Variants in PLCD1 observed in about 807,000 individuals in gnomAD.
PLCD1 encodes 1-phosphatidylinositol 4,5-bisphosphate phosphodiesterase delta-1.
PLCD1 carries 71 observed loss-of-function variants against 87.4 expected under a neutral mutation model. That is an observed-to-expected ratio of 0.81 (90% CI 0.67 to 0.99). The LOEUF is 0.99. PLCD1 is among the 50% of genes least tolerant of loss of function. The pLI is 0.00. For missense variants in PLCD1, 867 were observed against 1,001.5 expected, an observed-to-expected ratio of 0.87 and a Z score of 1.81; for synonymous variants, 348 against 399.2, an observed-to-expected ratio of 0.87 and a Z score of 1.53.
At chr3:38,021,504 C>G (rs1312254384) in intron 1 of PLCD1, among the ~76,000 whole-genome samples, 3 of 152,154 alleles carry the variant, frequency 2.0e-5, no homozygotes, top group East Asian at 1.9e-4. Context: ...GACGCCAGAG[C>G]CTTCACCACC....
At chr3:38,022,986 C>T (rs1700256725) in intron 1 of PLCD1, among the ~76,000 whole-genome samples, 1 of 151,786 alleles carries the variant, frequency 6.6e-6, no homozygotes, top group South Asian at 2.1e-4. Context: ...AGAGCTTCTC[C>T]TCCTGTGGGA....
Position 38,009,947 on chromosome 3 carries a change from T to C in PLCD1, c.1244A>G (p.Asn415Ser). The C allele has an allele frequency of 6.2e-7, 1 of 1,612,950 alleles. No homozygotes were observed. Among genetic ancestry groups the C allele is most frequent in the Non-Finnish European group, 8.5e-7 (1 of 1,179,396 alleles). ...GTTGGTGACCCCATCCAGTGGTCGG[T>C]TCAACAGCATGGGGCCCAGGATGGC... ...LHAILGPMLL[N>S]RPLDGVTNSL... The change falls in exon 8 of 15, where the codon AAC becomes AGC. Residue 415 changes from asparagine (N) to serine (S), a missense_variant. Asn to Ser is a conservative substitution (Grantham distance 46, BLOSUM62 1). Coordinates refer to ENST00000334661, the MANE Select transcript of PLCD1 (RefSeq NM_006225.4).
At position 38,011,217 on chromosome 3, in the gene PLCD1, T is replaced by A. The variant is rs1379978596; in HGVS notation, c.787A>T (p.Thr263Ser). The change falls in exon 5 of 15, where the codon ACT becomes TCT. Residue 263 changes from threonine (T) to serine (S), a missense_variant. Physicochemically the swap from Thr to Ser is moderately conservative, Grantham distance 58. Coordinates refer to ENST00000334661, the MANE Select transcript of PLCD1 (RefSeq NM_006225.4). ...CAGGCCCTGGTCAGGCTCTCACCAG[T>A]CTCGCTGGGCTCGTAGCGCTCAATG... Reference protein sequence around the residue: ...SLIERYEPSETAKAQRQMTKD... With the variant: ...SLIERYEPSESAKAQRQMTKD... The A allele has an allele frequency of 1.9e-6, 3 of 1,607,214 alleles. No individual in the cohort carries two copies. The Admixed American group carries it at 5.0e-5, about 27-fold the overall frequency.
intron 1 of PLCD1, among the ~76,000 whole-genome samples, chr3:38,028,326 T>C (rs1361440789): frequency 2.0e-5 from 3 of 152,112 alleles, no homozygotes; most frequent in Non-Finnish European, 4.4e-5. Context: ...GCCTAGGCTA[T>C]TGGTGTAAAA....
intron 1 of PLCD1, among the ~76,000 whole-genome samples, chr3:38,027,451 G>T (rs980868777): frequency 1.3e-5 from 2 of 152,240 alleles, no homozygotes; most frequent in Non-Finnish European, 2.9e-5. Context: ...GACACACAGG[G>T]AAGTCAAGGG....
In PLCD1 at chr3:38,009,811, G is replaced by T; in HGVS notation, c.1288C>A (p.Gln430Lys). Residue 430 changes from glutamine to lysine, a missense_variant and splice_region_variant, in exon 9 of 15, where the codon CAA (glutamine) becomes AAA (lysine). Gln to Lys is a moderately conservative substitution (Grantham distance 53). Transcript: ENST00000334661. The part of the protein sequence containing the change: ...GVTNSLPSPE[Q>K]LKGKILLKGK... ...TTCAGCAGGATCTTCCCCTTCAGTTGCTAGGTGGGGAGGGGCAACTGGTCA... is the reference window on the plus strand; with the variant it reads ...TTCAGCAGGATCTTCCCCTTCAGTTTCTAGGTGGGGAGGGGCAACTGGTCA... 1 of 1,613,860 alleles carries T rather than the reference G, an allele frequency of 6.2e-7. No individual in the cohort carries two copies. The highest frequency in any genetic ancestry group is 8.5e-7 in the Non-Finnish European group (1 of 1,180,006).
At position 38,007,871 on chromosome 3, in the gene PLCD1, C is replaced by T; in HGVS notation, c.2186-13G>A. ...ACATGGCGGTATCCTGGTGGGTGGA[C>T]AGGCAGGAGGGAACACAGAGAGAGT... On this transcript the variant is annotated splice_polypyrimidine_tract_variant and intron_variant, in intron 14 of 14. Coordinates refer to ENST00000334661, the MANE Select transcript of PLCD1 (RefSeq NM_006225.4). 1 of 1,613,274 alleles carries T rather than the reference C, an allele frequency of 6.2e-7. No individual in the cohort carries two copies. Among genetic ancestry groups the T allele is most frequent in the Middle Eastern group, 1.7e-4 (1 of 6,060 alleles).
chr3:38,019,060 G>A (rs1222481218), intron 2 of PLCD1: 2 of 152,404 alleles, frequency 1.3e-5, no homozygotes, highest in Non-Finnish European at 2.9e-5. Context: ...CTTCCTGGGT[G>A]AAAGGCACCC....
chr3:38,029,517 A>G lies in PLCD1; in HGVS notation c.23T>C (p.Leu8Pro). 1 of 1,539,310 alleles carries G rather than the reference A, an allele frequency of 6.5e-7. No individual in the cohort carries two copies. Among genetic ancestry groups the G allele is most frequent in the Admixed American group, 2.0e-5 (1 of 50,992 alleles). Residue 8 changes from leucine to proline, a missense_variant, in exon 1 of 15, where the codon CTG becomes CCG. Physicochemically the swap from Leu to Pro is moderately conservative, Grantham distance 98. Transcript: ENST00000334661. The stretch of plus-strand genomic sequence containing the variant: ...GGCCAGGCACTCACCGTGCAGGGTC[A>G]GGAAGTCCCGGCCCGAGTCCATGCC... MDSGRDF[L>P]TLHGLQDDED...
chr3:38,011,426 G>A lies in PLCD1; in HGVS notation c.578C>T (p.Thr193Ile), dbSNP rs370500334. 6.2e-6 allele frequency: 10 copies of A among 1,613,934 alleles called. No individual in the cohort carries two copies. Among genetic ancestry groups the A allele is most frequent in the Non-Finnish European group, 7.6e-6 (9 of 1,179,910 alleles). ...KIFRECDHSQ[T>I]DSLEDEEIEA... Reference sequence around the variant, plus strand: ...AATCTCCTCGTCCTCCAGGGAGTCTGTCTGGGAGTGGTCACACTCCTGCAG... The same window carrying A: ...AATCTCCTCGTCCTCCAGGGAGTCTATCTGGGAGTGGTCACACTCCTGCAG... The change falls in exon 5 of 15, where the codon ACA (threonine) becomes ATA (isoleucine). Residue 193 changes from threonine to isoleucine, a missense_variant. Transcript: ENST00000334661.
chr3:38,009,610 G>A (rs767914786), intron 9 of PLCD1, 43 bp downstream of exon 9: 6 of 1,611,958 alleles, frequency 3.7e-6, no homozygotes, highest in Non-Finnish European at 5.1e-6. Context: ...GTGAGGGGAT[G>A]GGGAAGGCCC....
chr3:38,021,190 T>C (rs1017287409), intron 1 of PLCD1, among the ~76,000 whole-genome samples: 24 of 152,170 alleles, frequency 1.6e-4, no homozygotes, highest in African/African-American at 5.6e-4. Context: ...ATCTCTGATC[T>C]TTGCCCCAAG....
intron 2 of PLCD1, 35 bp downstream of exon 2, chr3:38,020,153 C>T (rs956714054): frequency 1.3e-5 from 20 of 1,596,532 alleles, no homozygotes; most frequent in Non-Finnish European, 1.6e-5. Context: ...AGATTCCACA[C>T]TCTATCCCCT....
At chr3:38,029,389 G>T in intron 1 of PLCD1, 117 bp downstream of exon 1, 3 of 894,474 alleles carry the variant, frequency 3.4e-6, no homozygotes, top group Non-Finnish European at 5.3e-6. Flanking sequence ...AGAGAGGCGG[G>T]CCCGGGGTGG....
In PLCD1 at chr3:38,016,714, T is replaced by C; in HGVS notation, c.205A>G (p.Ile69Val). The change falls in exon 3 of 15, where the codon ATC becomes GTC. Residue 69 changes from isoleucine (I) to valine (V), a missense_variant. Coordinates refer to ENST00000334661, the MANE Select transcript of PLCD1 (RefSeq NM_006225.4). ...ATTCGCACCTCCTGAATGTCCTCGA[T>C]GGAGACTGCGAGAGGGGGATGGTGG... ...MRTPESQLFS[I>V]EDIQEVRMGH... is the part of the protein sequence containing the mutation. 6.4e-7 allele frequency: 1 copy of C among 1,553,160 alleles called. No individual in the cohort carries two copies.
In PLCD1 at chr3:38,011,426, G is replaced by C; in HGVS notation, c.578C>G (p.Thr193Arg). The change falls in exon 5 of 15, where the codon ACA (threonine) becomes AGA (arginine). Residue 193 changes from threonine to arginine, a missense_variant. Transcript: ENST00000334661. ...KIFRECDHSQTDSLEDEEIEA... is the reference protein window; with the variant it reads ...KIFRECDHSQRDSLEDEEIEA... ...AATCTCCTCGTCCTCCAGGGAGTCT[G>C]TCTGGGAGTGGTCACACTCCTGCAG... The C allele has an allele frequency of 6.2e-7, 1 of 1,614,052 alleles. No homozygotes were observed. Among genetic ancestry groups the C allele is most frequent in the Middle Eastern group, 1.7e-4 (1 of 6,020 alleles).
At chr3:38,009,003 C>CCCTCCTCCAGG (rs762751078) in intron 11 of PLCD1, 39 bp downstream of exon 11, 4 of 1,545,458 alleles carry the variant, frequency 2.6e-6, no homozygotes, top group Non-Finnish European at 3.6e-6. Context: ...GGGACTGAAA[C>CCCTCCTCCAGG]CCTCCTCCAG....
In PLCD1 at chr3:38,024,653, G is replaced by T. The variant is rs1700285604; in HGVS notation, c.35-4301C>A. The T allele has an allele frequency of 2.6e-6, 4 of 1,518,152 alleles. No individual in the cohort carries two copies. In the South Asian group the frequency reaches 3.6e-5, roughly 14 times the overall value. The allele number at this position is 1,518,152 out of a possible 1,614,324, so 94.0% of individuals were successfully genotyped here. ...ACGAGAGGGAAATCTGGGCTGAGGGGGTAGTCAGACGCTAGGAGGCGGAGC... is the reference window on the plus strand; with the variant it reads ...ACGAGAGGGAAATCTGGGCTGAGGGTGTAGTCAGACGCTAGGAGGCGGAGC... On this transcript the variant is annotated intron_variant, in intron 1 of 14. Coordinates refer to ENST00000334661, the MANE Select transcript of PLCD1 (RefSeq NM_006225.4).
chr3:38,011,491 C>A lies in PLCD1; in HGVS notation c.559-46G>T, dbSNP rs2364794. 63 of 1,613,848 alleles carry A rather than the reference C, an allele frequency of 3.9e-5. No homozygotes were observed. The African/African-American group carries it at 7.7e-4, about 20-fold the overall frequency. ...AGTGGGCTCAGAGCAGGCCTTGGGC[C>A]GGGGTCAAGGGCCCCATGGACAGGC... On this transcript the variant is annotated intron_variant, in intron 4 of 14. Transcript: ENST00000334661.
Sources: allele counts gnomAD v4.1 joint callset (sites outside exome capture counted in the v4.1 genomes callset), GRCh38; gene constraint gnomAD v4.1.1; transcripts MANE v1.5; gene names NCBI Gene and HGNC (gene_info 2026-07-23, HGNC 2026-07-21).